The following GLI2 variants were observed in gnomAD, a reference collection of about 807,000 sequenced individuals.
GLI2 encodes GLI family zinc finger 2, also known as transcription activator GLI2.
In GLI2, 22 loss-of-function variants were observed where a neutral mutation model predicts 78.9. That is an observed-to-expected ratio of 0.28 (90% CI 0.20 to 0.40). The LOEUF (loss-of-function observed/expected upper bound fraction) is 0.40. Among genes scored for constraint, GLI2 ranks in the 10% least tolerant of loss-of-function variants. The probability of loss-of-function intolerance (pLI) is 1.00; values close to 1 mark genes in which losing one functional copy is unlikely to be tolerated. For missense variants in GLI2, 2,097 were observed against 2,213.2 expected (o/e 0.95, Z 1.05); for synonymous variants, 974 against 963.7 (o/e 1.01, Z -0.20).
At chr2:120,786,963 G>A (rs1684014404) in intron 1 of GLI2, among the ~76,000 whole-genome samples, 1 of 152,232 alleles carries the variant, frequency 6.6e-6, no homozygotes. Context: ...GAGCATTTAT[G>A]TGTTCAGTTC....
intron 6 of GLI2, 75 bp from the exon 7 acceptor site, chr2:120,970,318 C>T: frequency 1.2e-6 from 1 of 818,086 alleles, no homozygotes; most frequent in South Asian, 1.4e-5. Context: ...GCAAGGTTCT[C>T]TCTGTCCAGG....
intron 1 of GLI2, among the ~76,000 whole-genome samples, chr2:120,752,295 G>C (rs1682901178): frequency 6.8e-6 from 1 of 146,454 alleles, no homozygotes; most frequent in African/African-American, 2.6e-5. Flanking sequence ...TTTTGAGACG[G>C]AGTCTCTGTC....
At position 120,989,818 on chromosome 2, in the gene GLI2, C is replaced by T; in HGVS notation, c.3853C>T (p.Leu1285Phe). 1 of 1,611,558 alleles carries T rather than the reference C, an allele frequency of 6.2e-7. No individual in the cohort carries two copies. Among genetic ancestry groups the T allele is most frequent in the Non-Finnish European group, 8.5e-7 (1 of 1,178,934 alleles). Residue 1285 changes from leucine (L) to phenylalanine (F), a missense_variant, in exon 14 of 14, where the codon CTT becomes TTT. Physicochemically the swap from Leu to Phe is conservative, Grantham distance 22. Transcript: ENST00000361492. ...PTTMGNRHRE[L>F]GVPDSALAGV... ...CACGATGGGCAATCGCCACAGGGAA[C>T]TTGGGGTCCCCGATTCAGCCCTGGC...
At chr2:120,894,642 C>T (rs1677853415) in intron 2 of GLI2, among the ~76,000 whole-genome samples, 1 of 149,546 alleles carries the variant, frequency 6.7e-6, no homozygotes, top group African/African-American at 2.5e-5. Context: ...AAACCGCCCC[C>T]CCATAAATCC....
At chr2:120,984,835 GC>G (rs35656560) in intron 12 of GLI2, 92 bp downstream of exon 12, 2 of 1,366,522 alleles carry the variant, frequency 1.5e-6, no homozygotes, top group Non-Finnish European at 2.0e-6. Context: ...CTGCCCTAAG[GC>G]CCCCCTCTAG....
In GLI2 at chr2:120,951,458, T is replaced by C. The variant is rs1350191321; in HGVS notation, c.457+13T>C. 6.3e-7 allele frequency: 1 copy of C among 1,577,618 alleles called. No homozygotes were observed. Among genetic ancestry groups the C allele is most frequent in the African/African-American group, 1.3e-5 (1 of 74,084 alleles). Reference sequence around the variant, plus strand: ...AGCCCCGCTGATGGTGAGTAGGGTGTGGGGATGGGGAGGGGCAGCTAGGGC... The same window carrying C: ...AGCCCCGCTGATGGTGAGTAGGGTGCGGGGATGGGGAGGGGCAGCTAGGGC... On this transcript the variant is annotated intron_variant, in intron 4 of 13. Transcript: ENST00000361492.
chr2:120,978,571 C>T lies in GLI2; in HGVS notation c.1455C>T (p.Pro485=). The part of the protein sequence containing the change: ...VHMRRHTGEK[P]HKCTFEGCSK... Reference sequence around the variant, plus strand: ...TGCGGCGACACACGGGCGAGAAGCCCCACAAGTGCACGGTGAGTGGCCTTC... The same window carrying T: ...TGCGGCGACACACGGGCGAGAAGCCTCACAAGTGCACGGTGAGTGGCCTTC... Residue 485 remains proline, a synonymous_variant, in exon 10 of 14, where the codon CCC becomes CCT. Transcript: ENST00000361492. The T allele has an allele frequency of 6.2e-7, 1 of 1,613,836 alleles. No individual in the cohort carries two copies. Among genetic ancestry groups the T allele is most frequent in the Non-Finnish European group, 8.5e-7 (1 of 1,179,980 alleles).
Position 120,984,749 on chromosome 2 carries a change from C to G in GLI2, c.1905+6C>G. 1 of 1,611,606 alleles carries G rather than the reference C, an allele frequency of 6.2e-7. No homozygotes were observed. Among genetic ancestry groups the G allele is most frequent in the African/African-American group, 1.3e-5 (1 of 75,032 alleles). ...TCAAGACCGAGAGCTCCGGGGTAAG[C>G]GGAGCTGGGCAGCCCAGCCACGCAA... On this transcript the variant is annotated splice_donor_region_variant and intron_variant, in intron 12 of 13. Transcript: ENST00000361492.
intron 2 of GLI2, among the ~76,000 whole-genome samples, chr2:120,857,139 C>T (rs1280344478): frequency 1.3e-5 from 2 of 152,120 alleles, no homozygotes; most frequent in African/African-American, 4.8e-5. Flanking sequence ...ACCTCTGAAG[C>T]CACTGCCCAC....
intron 2 of GLI2, among the ~76,000 whole-genome samples, chr2:120,841,888 T>TGTGTGTGTGAGA (rs768879101): frequency 6.6e-6 from 1 of 150,790 alleles, no homozygotes; most frequent in Non-Finnish European, 1.5e-5. Flanking sequence ...TGTGTGTGTG[T>TGTGTGTGTGAGA]GATGCTGGGC....
At chr2:120,917,597 A>C (rs1480556097) in intron 2 of GLI2, among the ~76,000 whole-genome samples, 1 of 152,210 alleles carries the variant, frequency 6.6e-6, no homozygotes, top group African/African-American at 2.4e-5. Flanking sequence ...TGAATTGTAG[A>C]GGAGACCCCA....
chr2:120,912,883 A>G (rs998334323), intron 2 of GLI2, among the ~76,000 whole-genome samples: 13 of 151,996 alleles, frequency 8.6e-5, no homozygotes, highest in Non-Finnish European at 1.3e-4. Flanking sequence ...AAGGGTGTGG[A>G]AGGGTGGGGA....
chr2:120,894,684 A>G (rs1413618381), intron 2 of GLI2, among the ~76,000 whole-genome samples: 1 of 110,414 alleles, frequency 9.1e-6, no homozygotes, highest in Non-Finnish European at 1.7e-5. Flanking sequence ...TTCCTCCCAT[A>G]TGGTTTTCTT....
At position 120,753,536 on chromosome 2, in the gene GLI2, T is replaced by C. The variant is rs1682941127; in HGVS notation, c.-31+17251T>C. ...TTCCTGTGTGTTTGTTAGTTGCTTG[T>C]GTTTCTTAGCAATTTTTCCGTCAGT... On this transcript the variant is annotated intron_variant, in intron 1 of 13. Transcript: ENST00000361492. 2.6e-5 allele frequency among the ~76,000 whole-genome samples: 4 copies of C among 152,248 alleles called. No individual in the cohort carries two copies. In the South Asian group the frequency reaches 8.3e-4, roughly 32 times the overall value.
intron 2 of GLI2, among the ~76,000 whole-genome samples, chr2:120,838,843 A>G (rs1426862244): frequency 1.3e-5 from 2 of 152,342 alleles, no homozygotes; most frequent in African/African-American, 2.4e-5. Flanking sequence ...GCCAGGGTCA[A>G]TAGGTTCCAG....
chr2:120,851,851 C>G (rs1687420656), intron 2 of GLI2, among the ~76,000 whole-genome samples: 1 of 152,244 alleles, frequency 6.6e-6, no homozygotes, highest in Non-Finnish European at 1.5e-5. Flanking sequence ...GAGAGGGTAA[C>G]TGGGAGATGC....
intron 2 of GLI2, among the ~76,000 whole-genome samples, chr2:120,881,090 G>T (rs1677090233): frequency 6.6e-6 from 1 of 152,188 alleles, no homozygotes; most frequent in African/African-American, 2.4e-5. Flanking sequence ...AATTAACTAA[G>T]CAAATTTATC....
chr2:120,841,848 G>GGGGTGTGTGTGT (rs1553455507), intron 2 of GLI2, among the ~76,000 whole-genome samples: 16 of 132,690 alleles, frequency 1.2e-4, no homozygotes, highest in Middle Eastern at 4.0e-3. Flanking sequence ...CAGTCTGGAG[G>GGGGTGTGTGTGT]GTGTGTGTGT....
chr2:120,843,276 C>A (rs916797346), intron 2 of GLI2, among the ~76,000 whole-genome samples: 2 of 152,184 alleles, frequency 1.3e-5, no homozygotes, highest in Non-Finnish European at 1.5e-5. Flanking sequence ...ACCTTTGGCT[C>A]AGGCGGTGAA....
Sources: allele counts gnomAD v4.1 joint callset (sites outside exome capture counted in the v4.1 genomes callset), GRCh38; gene constraint gnomAD v4.1.1; transcripts MANE v1.5; gene names NCBI Gene and HGNC (gene_info 2026-07-23, HGNC 2026-07-21).